Variants in PTPRK observed in about 807,000 individuals in gnomAD.
PTPRK encodes the protein protein tyrosine phosphatase receptor type K, also known as receptor-type tyrosine-protein phosphatase kappa.
PTPRK carries 75 observed loss-of-function variants against 178.0 expected under a neutral mutation model. The ratio of observed to expected loss-of-function variants is 0.42; its 90% CI spans 0.35 to 0.51. The LOEUF is 0.51. PTPRK is among the 20% of genes least tolerant of loss of function. PTPRK has a pLI of 0.02. For synonymous variants in PTPRK, 637 were observed against 620.6 expected (o/e 1.03, Z -0.39); for missense variants, 1,441 against 1,797.8 (o/e 0.80, Z 3.59).
At chr6:128,459,855 A>C (rs183209926) in intron 1 of PTPRK, among the ~76,000 whole-genome samples, 1 of 152,294 alleles carries the variant, frequency 6.6e-6, no homozygotes, top group African/African-American at 2.4e-5. Flanking sequence ...GGATCCCACA[A>C]GTTGTACAGG....
intron 3 of PTPRK, among the ~76,000 whole-genome samples, chr6:128,288,592 G>A (rs1008690335): frequency 3.9e-5 from 6 of 152,040 alleles, no homozygotes; most frequent in African/African-American, 1.4e-4. Flanking sequence ...TCAAACCAAA[G>A]ATTTTAGACA....
chr6:128,185,083 C>A (rs1224919940), intron 6 of PTPRK, among the ~76,000 whole-genome samples: 2 of 152,146 alleles, frequency 1.3e-5, no homozygotes, highest in Non-Finnish European at 2.9e-5. Flanking sequence ...ATTTCATTCA[C>A]AAACTATGCC....
intron 25 of PTPRK, among the ~76,000 whole-genome samples, chr6:127,980,449 G>C (rs1775184623): frequency 6.6e-6 from 1 of 151,776 alleles, no homozygotes; most frequent in Admixed American, 6.6e-5. Context: ...CTGAGATCAT[G>C]CCACTGCACT....
At chr6:128,102,084 G>A (rs760559856) in intron 7 of PTPRK, among the ~76,000 whole-genome samples, 1 of 152,144 alleles carries the variant, frequency 6.6e-6, no homozygotes, top group South Asian at 2.1e-4. Context: ...TATGTAAACT[G>A]AGTCTTGAAG....
intron 7 of PTPRK, among the ~76,000 whole-genome samples, chr6:128,101,836 A>G (rs923110275): frequency 1.3e-5 from 2 of 152,162 alleles, no homozygotes; most frequent in African/African-American, 4.8e-5. Context: ...ATTTCATTCC[A>G]TCTAATCAGA....
At chr6:127,983,713 T>G (rs751683798) in intron 22 of PTPRK, among the ~76,000 whole-genome samples, 18 of 152,232 alleles carry the variant, frequency 1.2e-4, no homozygotes, top group Non-Finnish European at 2.1e-4. Flanking sequence ...AGTGGCAGAT[T>G]CACGCTTCAA....
chr6:128,067,559 C>A lies in PTPRK; in HGVS notation c.2117G>T (p.Gly706Val), dbSNP rs948979625. ...CATCGCCTGGAAATAGATGTTGTAT[C>A]CTTTGCGCGGAGCCAAAGGAGGGTT... ...FWNPPLAPRK[G>V]YNIYFQAMSS... is the part of the protein sequence containing the mutation. The change falls in exon 12 of 30, where the codon GGA becomes GTA. Residue 706 changes from glycine to valine, a missense_variant. Gly to Val is a moderately radical substitution (Grantham distance 109). Transcript: ENST00000368226. 6 of 1,607,308 alleles carry A rather than the reference C, an allele frequency of 3.7e-6. No individual in the cohort carries two copies. The highest frequency in any genetic ancestry group is 5.1e-6 in the Non-Finnish European group (6 of 1,175,602).
chr6:128,353,974 GA>G (rs944773869), intron 2 of PTPRK, among the ~76,000 whole-genome samples: 3 of 152,000 alleles, frequency 2.0e-5, no homozygotes, highest in African/African-American at 7.2e-5. Context: ...ACATTTGAGG[GA>G]AAATGGATAA....
rs143045414 is a variant in PTPRK, at chr6:128,188,346, CAT to C, written c.869-3623_869-3622del. 5.8e-3 allele frequency among the ~76,000 whole-genome samples: 888 copies of C among 152,184 alleles called. 7 individuals are homozygous for C. The highest frequency in any genetic ancestry group is 0.02 in the African/African-American group (842 of 41,546). On this transcript the variant is annotated intron_variant, in intron 6 of 29. Transcript: ENST00000368226. The stretch of plus-strand genomic sequence containing the variant: ...CTATTATAATGTTATTTTACAAACA[CAT>C]GTGTCACTTAGCAAAATTCAGTTAA...
intron 3 of PTPRK, among the ~76,000 whole-genome samples, chr6:128,279,758 A>G: frequency 6.6e-6 from 1 of 152,148 alleles, no homozygotes; most frequent in Non-Finnish European, 1.5e-5. Context: ...AATTTTTGCT[A>G]CATGTTTACC....
At chr6:128,317,735 T>C (rs72969081) in intron 3 of PTPRK, among the ~76,000 whole-genome samples, 13,689 of 152,210 alleles carry the variant, frequency 0.09, 757 homozygotes, top group African/African-American at 0.15. Context: ...TACAAAATGA[T>C]CACAATGGCA....
chr6:128,384,276 T>A (rs1166798551), intron 2 of PTPRK, among the ~76,000 whole-genome samples: 1 of 152,216 alleles, frequency 6.6e-6, no homozygotes, highest in African/African-American at 2.4e-5. Flanking sequence ...CATATTTTTA[T>A]CAATAGAAAA....
intron 13 of PTPRK, among the ~76,000 whole-genome samples, chr6:128,010,807 T>C (rs1375214958): frequency 2.0e-5 from 3 of 151,182 alleles, no homozygotes; most frequent in Non-Finnish European, 4.4e-5. Flanking sequence ...CTAACTATTA[T>C]TCTCAAGCAG....
At chr6:128,227,021 C>G (rs1255551550) in intron 5 of PTPRK, among the ~76,000 whole-genome samples, 1 of 151,934 alleles carries the variant, frequency 6.6e-6, no homozygotes, top group African/African-American at 2.4e-5. Context: ...GAAGACACTA[C>G]TAGTCCACTA....
chr6:128,379,157 G>C (rs1365341754), intron 2 of PTPRK, among the ~76,000 whole-genome samples: 2 of 152,024 alleles, frequency 1.3e-5, no homozygotes, highest in Non-Finnish European at 2.9e-5. Context: ...GTGACTCCAA[G>C]TTCAGCTACT....
At chr6:128,433,501 T>TTTTGTTTG (rs1053731790) in intron 1 of PTPRK, among the ~76,000 whole-genome samples, 1 of 151,906 alleles carries the variant, frequency 6.6e-6, no homozygotes, top group Non-Finnish European at 1.5e-5. Context: ...TTTTTTTGTA[T>TTTTGTTTG]TTTGTTTGTT....
At chr6:128,501,928 T>A (rs1317015924) in intron 1 of PTPRK, among the ~76,000 whole-genome samples, 1 of 152,196 alleles carries the variant, frequency 6.6e-6, no homozygotes, top group East Asian at 1.9e-4. Context: ...CACCCAAAAT[T>A]AAAATCCATC....
intron 3 of PTPRK, among the ~76,000 whole-genome samples, chr6:128,257,108 TA>T (rs1267283650): frequency 6.6e-6 from 1 of 151,614 alleles, no homozygotes; most frequent in Non-Finnish European, 1.5e-5. Flanking sequence ...CACATGCCTG[TA>T]ATCCCAGCTA....
intron 27 of PTPRK, 109 bp from the exon 28 acceptor site, chr6:127,973,936 C>A: frequency 9.4e-7 from 1 of 1,068,350 alleles, no homozygotes; most frequent in Non-Finnish European, 1.3e-6. Context: ...TGGATTGAGT[C>A]TAGCTGATAT....
Sources: gnomAD v4.1 joint callset for allele counts (sites outside exome capture counted in the v4.1 genomes callset) on GRCh38, gnomAD v4.1.1 for gene constraint, MANE v1.5 for transcripts, NCBI Gene and HGNC (gene_info 2026-07-23, HGNC 2026-07-21) for gene names.